Variants in C12orf42 observed in about 807,000 individuals in gnomAD.
C12orf42 encodes the protein uncharacterized protein C12orf42.
A neutral mutation model predicts 21.6 loss-of-function variants in C12orf42; 25 were observed. That is an observed-to-expected ratio of 1.16 (90% confidence interval 0.84 to 1.62). The LOEUF is 1.62. Among genes scored for constraint, C12orf42 ranks in the 40% most tolerant of loss-of-function variants. C12orf42 has a pLI of 0.00. For missense variants in C12orf42, 483 were observed against 459.3 expected, an observed-to-expected ratio of 1.05 and a Z score of -0.47; for synonymous variants, 174 against 175.0, an observed-to-expected ratio of 0.99 and a Z score of 0.05.
At chr12:103,399,367 G>GTTT (rs1211101491) in intron 3 of C12orf42, among the ~76,000 whole-genome samples, 5 of 151,228 alleles carry the variant, frequency 3.3e-5, no homozygotes, top group East Asian at 1.9e-4. Context: ...TGTTGTTGTT[G>GTTT]TTTATTTGTT....
chr12:103,206,890 T>C, the C12orf42 span, among the ~76,000 whole-genome samples: 2 of 152,192 alleles, frequency 1.3e-5, no homozygotes, highest in South Asian at 4.1e-4. Flanking sequence ...ACTGCTGCCT[T>C]ACAGTGCCAC....
intron 4 of C12orf42, among the ~76,000 whole-genome samples, chr12:103,335,878 C>A (rs1259470506): frequency 6.6e-6 from 1 of 152,202 alleles, no homozygotes; most frequent in Non-Finnish European, 1.5e-5. Context: ...GCTCCAGACA[C>A]AATGACAACT....
At chr12:103,495,464 G>T (rs961245041) in intron 1 of C12orf42, among the ~76,000 whole-genome samples, 1 of 148,950 alleles carries the variant, frequency 6.7e-6, no homozygotes, top group African/African-American at 2.4e-5. Flanking sequence ...GCATGCGGGC[G>T]GCGGCGAGCC....
At chr12:103,510,801 C>G in the C12orf42 span, among the ~76,000 whole-genome samples, 3 of 152,114 alleles carry the variant, frequency 2.0e-5, no homozygotes, top group African/African-American at 7.2e-5. Context: ...ATATCTTACC[C>G]CTTCTTTAAT....
chr12:103,428,426 G>A lies in C12orf42; in HGVS notation c.79-26751C>T, dbSNP rs141323080. On this transcript the variant is annotated intron_variant, in intron 2 of 5. Transcript: ENST00000548883. ...TCCCAAACTAAACCAGGAAGAAGTC[G>A]AATCCCTGAATAGACCAATAACAAG... Among the ~76,000 whole-genome samples, 203 of 152,214 alleles carry A rather than the reference G, an allele frequency of 1.3e-3. 1 individual carries two copies. Among genetic ancestry groups the A allele is most frequent in the South Asian group, 2.9e-3 (14 of 4,822 alleles).
At chr12:103,234,390 G>T (rs1173151380), downstream of C12orf42, among the ~76,000 whole-genome samples, 1 of 151,974 alleles carries the variant, frequency 6.6e-6, no homozygotes, top group African/African-American at 2.4e-5. Context: ...ATTTGTCATG[G>T]TGACTTTTTT....
intron 2 of C12orf42, among the ~76,000 whole-genome samples, chr12:103,472,978 C>T (rs1366000892): frequency 6.6e-6 from 1 of 152,112 alleles, no homozygotes; most frequent in South Asian, 2.1e-4. Flanking sequence ...GCTTTTAGTT[C>T]TGCATCATCC....
chr12:103,425,814 T>A (rs1863598342), intron 2 of C12orf42, among the ~76,000 whole-genome samples: 1 of 152,024 alleles, frequency 6.6e-6, no homozygotes, highest in Non-Finnish European at 1.5e-5. Context: ...AGGTGAGGAA[T>A]CTAGAGAGGC....
At chr12:103,068,934 CATATATATATATATATATATATAT>C in the C12orf42 span, among the ~76,000 whole-genome samples, 85 of 48,156 alleles carry the variant, frequency 1.8e-3, 2 homozygotes, top group East Asian at 3.3e-3. Flanking sequence ...TCTCTCTCCA[CATATATATATATATATATATATAT>C]ATATATATAT....
At chr12:103,347,919 A>G (rs549882004) in intron 4 of C12orf42, among the ~76,000 whole-genome samples, 2 of 152,346 alleles carry the variant, frequency 1.3e-5, no homozygotes, top group South Asian at 4.1e-4. Context: ...GAATATGTAT[A>G]TAGGTTTATT....
At chr12:103,419,749 C>A (rs2049700609) in intron 2 of C12orf42, among the ~76,000 whole-genome samples, 1 of 152,184 alleles carries the variant, frequency 6.6e-6, no homozygotes, top group South Asian at 2.1e-4. Flanking sequence ...CAGAATCACC[C>A]TCTAGTCATT....
the C12orf42 span, among the ~76,000 whole-genome samples, chr12:103,077,370 A>G: frequency 6.6e-6 from 1 of 152,244 alleles, no homozygotes; most frequent in Non-Finnish European, 1.5e-5. Flanking sequence ...TAATAATAGT[A>G]GTAAGCAAAA....
the C12orf42 span, among the ~76,000 whole-genome samples, chr12:103,159,262 C>A: frequency 6.6e-6 from 1 of 152,138 alleles, no homozygotes; most frequent in Non-Finnish European, 1.5e-5. Context: ...TTACCTCTTG[C>A]CCACAGTCAC....
At position 103,401,064 on chromosome 12, in the gene C12orf42, T is replaced by C. The variant is rs542223257; in HGVS notation, c.147+543A>G. On this transcript the variant is annotated intron_variant, in intron 3 of 5. Transcript: ENST00000548883. ...TGACAACTGGACTTGCCAGCCATGG[T>C]GACCATCTCCATGTTCACATCGTAG... Among the ~76,000 whole-genome samples, 28 of 152,310 alleles carry C rather than the reference T, an allele frequency of 1.8e-4. No individual in the cohort carries two copies. The South Asian group carries it at 3.5e-3, about 19-fold the overall frequency.
At chr12:103,184,681 C>G in the C12orf42 span, among the ~76,000 whole-genome samples, 21 of 146,040 alleles carry the variant, frequency 1.4e-4, no homozygotes, top group African/African-American at 5.3e-4. Flanking sequence ...GATGATTACA[C>G]AAAACATAAG....
At chr12:103,366,495 G>A (rs2044614107) in intron 4 of C12orf42, among the ~76,000 whole-genome samples, 4 of 151,860 alleles carry the variant, frequency 2.6e-5, no homozygotes. Context: ...GCTTTTGCAT[G>A]GCAAAACGAA....
At chr12:103,467,012 C>T (rs1441534768) in intron 2 of C12orf42, among the ~76,000 whole-genome samples, 1 of 152,182 alleles carries the variant, frequency 6.6e-6, no homozygotes, top group African/African-American at 2.4e-5. Context: ...CTAGTGGACC[C>T]ACAGCTGACC....
chr12:103,323,118 G>A (rs1451509286), intron 4 of C12orf42, among the ~76,000 whole-genome samples: 1 of 152,090 alleles, frequency 6.6e-6, no homozygotes, highest in African/African-American at 2.4e-5. Flanking sequence ...CCCTGTAGAT[G>A]CATATACATA....
At chr12:103,292,964 G>C (rs1566024039) in intron 4 of C12orf42, among the ~76,000 whole-genome samples, 1 of 151,940 alleles carries the variant, frequency 6.6e-6, no homozygotes, top group Non-Finnish European at 1.5e-5. Context: ...GAGAAAACTA[G>C]AAAAGGCCAC....
Sources: allele counts gnomAD v4.1 joint callset (sites outside exome capture counted in the v4.1 genomes callset), GRCh38; gene constraint gnomAD v4.1.1; transcripts MANE v1.5; gene names NCBI Gene and HGNC (gene_info 2026-07-23, HGNC 2026-07-21).